Variants in C1orf21 observed in about 807,000 individuals in gnomAD.
The protein encoded by C1orf21 is chromosome 1 open reading frame 21.
C1orf21 carries 3 observed loss-of-function variants against 18.7 expected under a neutral mutation model. The observed-to-expected ratio is 0.16, with a 90% CI of 0.07 to 0.42. The LOEUF is 0.42. Among genes scored for constraint, C1orf21 ranks in the 10% least tolerant of loss-of-function variants. The pLI, the probability that C1orf21 is intolerant of heterozygous loss-of-function variation, is 0.99. For synonymous variants in C1orf21, 41 were observed against 46.4 expected (o/e 0.88, Z 0.47); for missense variants, 104 against 143.6 (o/e 0.72, Z 1.41).
intron 1 of C1orf21, among the ~76,000 whole-genome samples, chr1:184,424,696 A>G (rs553856566): frequency 4.6e-5 from 7 of 152,276 alleles, no homozygotes; most frequent in African/African-American, 1.7e-4. Flanking sequence ...GTATGCTAAT[A>G]CTAAGATAGG....
chr1:184,539,722 C>T (rs1658617396), intron 3 of C1orf21, among the ~76,000 whole-genome samples: 1 of 152,160 alleles, frequency 6.6e-6, no homozygotes, highest in African/African-American at 2.4e-5. Flanking sequence ...ACTAGTATTC[C>T]AAATCTCCTC....
At chr1:184,618,210 G>A (rs1452456595) in intron 5 of C1orf21, among the ~76,000 whole-genome samples, 2 of 152,126 alleles carry the variant, frequency 1.3e-5, no homozygotes, top group African/African-American at 2.4e-5. Flanking sequence ...TGTCCAGCCA[G>A]CAGTATTTTG....
At chr1:184,415,810 C>T (rs1340989479) in intron 1 of C1orf21, among the ~76,000 whole-genome samples, 1 of 152,172 alleles carries the variant, frequency 6.6e-6, no homozygotes, top group Non-Finnish European at 1.5e-5. Context: ...TCATCCTTCT[C>T]CTGCAGCACT....
chr1:184,437,281 G>A (rs927567455), intron 1 of C1orf21, among the ~76,000 whole-genome samples: 28 of 152,044 alleles, frequency 1.8e-4, no homozygotes, highest in African/African-American at 6.0e-4. Flanking sequence ...CAGATCAGGC[G>A]TACTCCAAAA....
intron 1 of C1orf21, among the ~76,000 whole-genome samples, chr1:184,416,277 G>T (rs1656449828): frequency 6.6e-6 from 1 of 152,060 alleles, no homozygotes; most frequent in Non-Finnish European, 1.5e-5. Context: ...AAGGAATCAT[G>T]TATTTTAAGA....
At chr1:184,569,871 T>C (rs1422843345) in intron 3 of C1orf21, among the ~76,000 whole-genome samples, 2 of 152,232 alleles carry the variant, frequency 1.3e-5, no homozygotes, top group African/African-American at 4.8e-5. Context: ...GAGAGGACTA[T>C]GGCATAGCCA....
At chr1:184,600,266 A>G (rs1659569556) in intron 5 of C1orf21, among the ~76,000 whole-genome samples, 1 of 152,042 alleles carries the variant, frequency 6.6e-6, no homozygotes, top group Non-Finnish European at 1.5e-5. Context: ...TCCCAGGTTC[A>G]AGTGATTCTC....
intron 1 of C1orf21, among the ~76,000 whole-genome samples, chr1:184,428,372 A>G (rs1440307993): frequency 6.6e-6 from 1 of 152,234 alleles, no homozygotes; most frequent in Non-Finnish European, 1.5e-5. Flanking sequence ...GAGAAGAGGA[A>G]GAGGATAGGA....
chr1:184,560,369 A>G (rs1343931402), intron 3 of C1orf21, among the ~76,000 whole-genome samples: 1 of 152,206 alleles, frequency 6.6e-6, no homozygotes, highest in Non-Finnish European at 1.5e-5. Flanking sequence ...GCAAACCTAG[A>G]GATTGAAAAC....
At chr1:184,523,587 G>GT (rs1658336196) in intron 3 of C1orf21, among the ~76,000 whole-genome samples, 1 of 152,110 alleles carries the variant, frequency 6.6e-6, no homozygotes, top group African/African-American at 2.4e-5. Context: ...AATAAAAACC[G>GT]TAAGGGAGTG....
rs1388734525 is a variant in C1orf21, at chr1:184,573,923, C to T, written c.190-16816C>T. Among the ~76,000 whole-genome samples the T allele has an allele frequency of 5.9e-5, 9 of 152,206 alleles. 1 individual carries two copies. In the South Asian group the frequency reaches 1.7e-3, roughly 28 times the overall value. The stretch of plus-strand genomic sequence containing the variant: ...GTAGAAATGAAGATAGGCCGAGCAC[C>T]ATGGCTCATGCCTGTAATCCCAGCA... On this transcript the variant is annotated intron_variant, in intron 3 of 5. Coordinates refer to ENST00000235307, the MANE Select transcript of C1orf21 (RefSeq NM_030806.4).
At chr1:184,414,672 A>G (rs1656419179) in intron 1 of C1orf21, among the ~76,000 whole-genome samples, 1 of 152,060 alleles carries the variant, frequency 6.6e-6, no homozygotes, top group Non-Finnish European at 1.5e-5. Flanking sequence ...GTTTTTGTCA[A>G]TAAATGTTCA....
chr1:184,585,286 C>G (rs1268452625), intron 3 of C1orf21, among the ~76,000 whole-genome samples: 2 of 152,152 alleles, frequency 1.3e-5, no homozygotes, highest in Admixed American at 1.3e-4. Flanking sequence ...GACATATGCA[C>G]TGATGCTGCA....
chr1:184,408,386 A>G (rs957629028), intron 1 of C1orf21: 4 of 152,246 alleles, frequency 2.6e-5, no homozygotes, highest in Non-Finnish European at 4.4e-5. Context: ...TTTTCATTAA[A>G]TAGACGGCCA....
chr1:184,606,041 A>G (rs1659643644), intron 5 of C1orf21, among the ~76,000 whole-genome samples: 1 of 152,226 alleles, frequency 6.6e-6, no homozygotes. Context: ...CACAGTTTCC[A>G]GTGTATTCAT....
At chr1:184,417,493 T>G (rs1242750347) in intron 1 of C1orf21, among the ~76,000 whole-genome samples, 4 of 152,196 alleles carry the variant, frequency 2.6e-5, no homozygotes, top group Admixed American at 6.5e-5. Context: ...CCTCAAAAAT[T>G]TAGACTTTAG....
intron 1 of C1orf21, among the ~76,000 whole-genome samples, chr1:184,402,762 G>A (rs1656176603): frequency 6.6e-6 from 1 of 151,894 alleles, no homozygotes; most frequent in Admixed American, 6.6e-5. Flanking sequence ...ATACCCTACT[G>A]TTTTAATCAC....
At chr1:184,470,102 C>A (rs1020203844) in intron 1 of C1orf21, among the ~76,000 whole-genome samples, 1 of 151,972 alleles carries the variant, frequency 6.6e-6, no homozygotes, top group Non-Finnish European at 1.5e-5. Context: ...TTTTAAAAGT[C>A]TCTCCCTTTC....
chr1:184,584,130 C>CTT (rs1220752076), intron 3 of C1orf21, among the ~76,000 whole-genome samples: 2 of 81,904 alleles, frequency 2.4e-5, no homozygotes, highest in African/African-American at 9.7e-5. Context: ...GCTTGTTCTT[C>CTT]TTCTTTTTTT....
Sources: allele counts gnomAD v4.1 joint callset (sites outside exome capture counted in the v4.1 genomes callset), GRCh38; gene constraint gnomAD v4.1.1; transcripts MANE v1.5; gene names NCBI Gene and HGNC (gene_info 2026-07-23, HGNC 2026-07-21).